Variants in LHX8 observed in about 807,000 individuals in gnomAD.
LHX8 encodes LIM homeobox 8.
A neutral mutation model predicts 40.3 loss-of-function variants in LHX8; 12 were observed. The ratio of observed to expected loss-of-function variants is 0.30; its 90% confidence interval spans 0.19 to 0.48. The LOEUF (loss-of-function observed/expected upper bound fraction) is 0.48. LHX8 is among the 20% of genes least tolerant of loss of function. The pLI is 0.99. For missense variants in LHX8, 344 were observed against 433.7 expected (o/e 0.79, Z 1.84); for synonymous variants, 179 against 162.0 (o/e 1.10, Z -0.80).
chr1:75,136,832 T>TGGGGGG, intron 2 of LHX8, 143 bp downstream of exon 2: 2 of 369,006 alleles, frequency 5.4e-6, no homozygotes, highest in Non-Finnish European at 5.1e-6. Flanking sequence ...AGGGTCTGGG[T>TGGGGGG]GGGGTGGGAA....
At chr1:75,142,571 C>T (rs916803087) in intron 4 of LHX8, among the ~76,000 whole-genome samples, 2 of 152,132 alleles carry the variant, frequency 1.3e-5, no homozygotes, top group Admixed American at 1.3e-4. Context: ...TCTCACCCAA[C>T]AGGGTGAAGA....
intron 8 of LHX8, among the ~76,000 whole-genome samples, chr1:75,158,900 A>C (rs578248114): frequency 2.6e-5 from 4 of 152,262 alleles, no homozygotes; most frequent in South Asian, 2.1e-4. Context: ...ATTTTGATAC[A>C]ATCTATTACA....
chr1:75,146,453 A>T (rs1648461700), intron 6 of LHX8, among the ~76,000 whole-genome samples: 1 of 152,204 alleles, frequency 6.6e-6, no homozygotes, highest in South Asian at 2.1e-4. Flanking sequence ...ATGTAGAAGC[A>T]CTCACTTAGT....
chr1:75,197,624 A>C, the LHX8 span, among the ~76,000 whole-genome samples: 1 of 152,186 alleles, frequency 6.6e-6, no homozygotes, highest in African/African-American at 2.4e-5. Context: ...AAGAAAAGGA[A>C]TATTGCTTTT....
chr1:75,150,295 G>A (rs934437946), intron 7 of LHX8, among the ~76,000 whole-genome samples: 2 of 152,202 alleles, frequency 1.3e-5, no homozygotes, highest in African/African-American at 4.8e-5. Context: ...TGGTGCCATT[G>A]ACAGGAATGT....
chr1:75,133,955 A>T (rs1526504), upstream of LHX8, among the ~76,000 whole-genome samples: 32,428 of 152,050 alleles, frequency 0.21, 4,661 homozygotes, highest in East Asian at 0.76. Context: ...CCAGGCTGCC[A>T]GGAGCGGTGG....
intron 7 of LHX8, among the ~76,000 whole-genome samples, chr1:75,156,228 GTTGTTGTTTTGTT>G (rs1412195748): frequency 7.7e-6 from 1 of 129,138 alleles, no homozygotes; most frequent in Non-Finnish European, 1.7e-5. Flanking sequence ...TGTTGTTGTT[GTTGTTGTTTTGTT>G]TTGTTTTGTT....
intron 7 of LHX8, 22 bp from the exon 8 acceptor site, chr1:75,156,871 T>C: frequency 6.2e-7 from 1 of 1,613,850 alleles, no homozygotes; most frequent in Non-Finnish European, 8.5e-7. Flanking sequence ...TACCTACTTC[T>C]GTTGCTTTTC....
At position 75,160,996 on chromosome 1, in the gene LHX8, C is replaced by A; in HGVS notation, c.*101C>A. On this transcript the variant is annotated 3_prime_UTR_variant, in exon 9 of 9. Transcript: ENST00000356261. ...ATTACTGTTAATTTTTTATTTAACA[C>A]CTAAAGCATTTCCAACATCACTTTG... The A allele has an allele frequency of 1.1e-6, 1 of 896,182 alleles. No homozygotes were observed. Among genetic ancestry groups the A allele is most frequent in the Non-Finnish European group, 1.8e-6 (1 of 546,938 alleles). The allele number at this position is 896,182 out of a possible 1,614,324, so 55.5% of individuals were successfully genotyped here.
chr1:75,136,736 G>C, intron 2 of LHX8, 47 bp downstream of exon 2: 1 of 1,474,812 alleles, frequency 6.8e-7, no homozygotes, highest in Non-Finnish European at 9.2e-7. Context: ...CCGTGGGGAG[G>C]CGGCGCAGGA....
At chr1:75,153,296 G>A (rs1263474473) in intron 7 of LHX8, among the ~76,000 whole-genome samples, 1 of 152,032 alleles carries the variant, frequency 6.6e-6, no homozygotes. Context: ...TGGTAGAGAC[G>A]GGGTTTCACC....
chr1:75,156,243 TG>T (rs1648763318), intron 7 of LHX8, among the ~76,000 whole-genome samples: 1 of 151,924 alleles, frequency 6.6e-6, no homozygotes, highest in African/African-American at 2.4e-5. Context: ...TGTTTTGTTT[TG>T]TTTTGTTTTG....
chr1:75,157,076 G>C lies in LHX8; in HGVS notation c.964G>C (p.Ala322Pro). The C allele has an allele frequency of 1.9e-6, 3 of 1,614,054 alleles. No homozygotes were observed. The highest frequency in any genetic ancestry group is 2.5e-6 in the Non-Finnish European group (3 of 1,179,966). Residue 322 changes from alanine (A) to proline (P), a missense_variant and splice_region_variant, in exon 8 of 9, where the codon GCT becomes CCT. By Grantham distance (27) the Ala-to-Pro change is conservative. Transcript: ENST00000356261. ...MLTALHSYMD[A>P]HSPTTLGLQP... The stretch of plus-strand genomic sequence containing the variant: ...AACTGCGCTGCATAGTTATATGGAT[G>C]GTAGGTATCCCAACATTTAACAGCT...
chr1:75,157,116 C>T, intron 8 of LHX8, 40 bp downstream of exon 8: 8 of 1,575,320 alleles, frequency 5.1e-6, no homozygotes, highest in Non-Finnish European at 7.0e-6. Flanking sequence ...CCCAGGCAAT[C>T]AGCAACTGGT....
At chr1:75,141,902 A>G (rs1648323200) in intron 4 of LHX8, among the ~76,000 whole-genome samples, 1 of 152,094 alleles carries the variant, frequency 6.6e-6, no homozygotes, top group Non-Finnish European at 1.5e-5. Flanking sequence ...CTAATTTTGT[A>G]CTCCATTTCA....
the LHX8 span, among the ~76,000 whole-genome samples, chr1:75,170,533 A>T: frequency 3.3e-5 from 5 of 152,256 alleles, no homozygotes; most frequent in Non-Finnish European, 7.3e-5. Context: ...CAGAGTGCTT[A>T]AAAATCACTG....
chr1:75,147,508 GC>G (rs1648490832), intron 6 of LHX8, among the ~76,000 whole-genome samples: 1 of 152,150 alleles, frequency 6.6e-6, no homozygotes, highest in Non-Finnish European at 1.5e-5. Flanking sequence ...AAGTGCAGTG[GC>G]AGAAGATAGC....
rs1455983526 is a variant in LHX8 at position 75,136,370 on chromosome 1, G to A, written c.-12-233G>A. ...GTGAGCGCCGGAGACCCGGAGCCCG[G>A]GGAGCGCGGGACGAGCTACCAGCGC... On this transcript the variant is annotated intron_variant, in intron 1 of 8. Coordinates refer to ENST00000356261, the MANE Select transcript of LHX8 (RefSeq NM_001256114.2). 2.6e-5 allele frequency among the ~76,000 whole-genome samples: 4 copies of A among 151,972 alleles called. No homozygotes were observed. The East Asian group carries it at 7.8e-4, about 30-fold the overall frequency.
At chr1:75,193,634 A>G in the LHX8 span, among the ~76,000 whole-genome samples, 105 of 152,322 alleles carry the variant, frequency 6.9e-4, no homozygotes, top group African/African-American at 2.5e-3. Flanking sequence ...GGCTTGCATA[A>G]TTCGTAGTAA....
Sources: gnomAD v4.1 joint callset for allele counts (sites outside exome capture counted in the v4.1 genomes callset) on GRCh38, gnomAD v4.1.1 for gene constraint, MANE v1.5 for transcripts, NCBI Gene and HGNC (gene_info 2026-07-23, HGNC 2026-07-21) for gene names.